The following CTNND2 variants were observed in gnomAD, a reference collection of about 807,000 sequenced individuals.
CTNND2 encodes the protein catenin delta 2.
CTNND2 carries 22 observed loss-of-function variants against 144.4 expected under a neutral mutation model. That is an observed-to-expected ratio of 0.15 (90% CI 0.11 to 0.22). The LOEUF (loss-of-function observed/expected upper bound fraction) is 0.22, where lower values mean the gene tolerates loss of function less well. Ranked by LOEUF, CTNND2 falls within the 10% of genes least tolerant of loss-of-function variation. The probability of loss-of-function intolerance (pLI) is 1.00; values close to 1 mark genes in which losing one functional copy is unlikely to be tolerated. For missense variants in CTNND2, 1,353 were observed against 1,618.8 expected (o/e 0.84, Z 2.82); for synonymous variants, 751 against 695.6 (o/e 1.08, Z -1.25).
At chr5:11,241,221 C>G (rs4701911) in intron 9 of CTNND2, among the ~76,000 whole-genome samples, 1 of 152,200 alleles carries the variant, frequency 6.6e-6, no homozygotes, top group Non-Finnish European at 1.5e-5. Flanking sequence ...GCAGCCTTCT[C>G]TATGCCTCCA....
At chr5:11,308,613 A>G (rs1750495070) in intron 9 of CTNND2, among the ~76,000 whole-genome samples, 2 of 152,250 alleles carry the variant, frequency 1.3e-5, no homozygotes, top group South Asian at 4.1e-4. Flanking sequence ...CTTGAAGTCT[A>G]TTAATTGTTT....
Position 11,602,748 on chromosome 5 carries a change from ATAATAGATATATTAT to A in CTNND2, c.175-37707_175-37693del, listed in dbSNP as rs1455290059. Among the ~76,000 whole-genome samples, 383 of 146,124 alleles carry A rather than the reference ATAATAGATATATTAT, an allele frequency of 2.6e-3. 2 individuals carry two copies. Among genetic ancestry groups the A allele is most frequent in the Middle Eastern group, 0.011 (3 of 276 alleles). ...TTTATATGTAATATAAATATTATAT[ATAATAGATATATTAT>A]TAATAGATATAAATTAATAGATATA... On this transcript the variant is annotated intron_variant, in intron 2 of 21. Transcript: ENST00000304623.
chr5:11,007,439 C>A (rs961769050), intron 18 of CTNND2, among the ~76,000 whole-genome samples: 7 of 152,226 alleles, frequency 4.6e-5, no homozygotes, highest in African/African-American at 1.7e-4. Context: ...TCAGCTTTAA[C>A]CTCGGGAACT....
intron 16 of CTNND2, among the ~76,000 whole-genome samples, chr5:11,048,215 C>T (rs1745481135): frequency 6.6e-6 from 1 of 152,132 alleles, no homozygotes; most frequent in South Asian, 2.1e-4. Flanking sequence ...CATCCAATCT[C>T]TGCATCTACT....
chr5:11,485,296 C>T (rs1487206131), intron 3 of CTNND2, among the ~76,000 whole-genome samples: 2 of 152,022 alleles, frequency 1.3e-5, no homozygotes, highest in South Asian at 2.1e-4. Context: ...GATGGGAGGA[C>T]ACAGTATTTT....
At chr5:11,721,271 C>T (rs973411633) in intron 2 of CTNND2, among the ~76,000 whole-genome samples, 7 of 152,198 alleles carry the variant, frequency 4.6e-5, no homozygotes, top group Admixed American at 1.3e-4. Flanking sequence ...AGAAAATCTG[C>T]AGAAGCAGAA....
chr5:11,723,143 A>G (rs1180877026), intron 2 of CTNND2, among the ~76,000 whole-genome samples: 2 of 152,190 alleles, frequency 1.3e-5, no homozygotes, highest in Non-Finnish European at 2.9e-5. Context: ...TATACAAACA[A>G]AAATAATTAA....
chr5:11,534,058 T>A (rs1007137594), intron 3 of CTNND2, among the ~76,000 whole-genome samples: 2 of 152,168 alleles, frequency 1.3e-5, no homozygotes, highest in Admixed American at 6.5e-5. Context: ...AATAAAAAAA[T>A]TAACATCCAT....
chr5:11,085,904 C>T (rs1042410207), intron 15 of CTNND2, among the ~76,000 whole-genome samples: 1 of 152,112 alleles, frequency 6.6e-6, no homozygotes. Flanking sequence ...TCTAGGATGA[C>T]TGCAGTGGCT....
intron 3 of CTNND2, among the ~76,000 whole-genome samples, chr5:11,473,468 G>A (rs1181511555): frequency 6.6e-6 from 1 of 152,162 alleles, no homozygotes; most frequent in African/African-American, 2.4e-5. Flanking sequence ...AGTGAGAAGA[G>A]AATATTTAAA....
chr5:11,748,414 T>C (rs1483485137), intron 1 of CTNND2, among the ~76,000 whole-genome samples: 1 of 152,140 alleles, frequency 6.6e-6, no homozygotes, highest in Non-Finnish European at 1.5e-5. Flanking sequence ...ATTTTTTGTA[T>C]ATAATCATTC....
intron 1 of CTNND2, among the ~76,000 whole-genome samples, chr5:11,754,626 A>C (rs1203324704): frequency 6.6e-6 from 1 of 151,758 alleles, no homozygotes; most frequent in Non-Finnish European, 1.5e-5. Context: ...TGTTTTATGA[A>C]TCTGGGTGCT....
At chr5:11,819,843 C>A (rs963741658) in intron 1 of CTNND2, among the ~76,000 whole-genome samples, 15 of 152,190 alleles carry the variant, frequency 9.9e-5, no homozygotes, top group Non-Finnish European at 2.1e-4. Flanking sequence ...GCTCTAAACA[C>A]AGGCCTCCAC....
At chr5:11,420,390 T>C (rs777329976) in intron 3 of CTNND2, among the ~76,000 whole-genome samples, 3 of 152,208 alleles carry the variant, frequency 2.0e-5, no homozygotes, top group African/African-American at 7.2e-5. Context: ...GACCTTTATA[T>C]TGATGATGTC....
chr5:11,760,290 C>T (rs1346538905), intron 1 of CTNND2, among the ~76,000 whole-genome samples: 4 of 152,042 alleles, frequency 2.6e-5, no homozygotes, highest in Non-Finnish European at 4.4e-5. Flanking sequence ...TACCCAGCCC[C>T]TCATTGCACC....
chr5:11,681,372 A>G (rs1784415014), intron 2 of CTNND2, among the ~76,000 whole-genome samples: 1 of 152,216 alleles, frequency 6.6e-6, no homozygotes, highest in East Asian at 1.9e-4. Flanking sequence ...ACATAATAAA[A>G]GCATTCAAAA....
chr5:11,670,752 T>G (rs184274321), intron 2 of CTNND2, among the ~76,000 whole-genome samples: 1 of 152,216 alleles, frequency 6.6e-6, no homozygotes, highest in Non-Finnish European at 1.5e-5. Context: ...TGTCTTTAAA[T>G]TGGGGGCATT....
At chr5:11,270,850 A>G (rs1048942747) in intron 9 of CTNND2, among the ~76,000 whole-genome samples, 1 of 152,214 alleles carries the variant, frequency 6.6e-6, no homozygotes, top group African/African-American at 2.4e-5. Context: ...AATAATAGTT[A>G]GTTCATGTGA....
chr5:11,472,732 A>AT (rs1767346566), intron 3 of CTNND2, among the ~76,000 whole-genome samples: 1 of 152,208 alleles, frequency 6.6e-6, no homozygotes, highest in Non-Finnish European at 1.5e-5. Context: ...ACTGATATTG[A>AT]TTTTTATATT....
Sources: allele counts gnomAD v4.1 joint callset (sites outside exome capture counted in the v4.1 genomes callset), GRCh38; gene constraint gnomAD v4.1.1; transcripts MANE v1.5; gene names NCBI Gene and HGNC (gene_info 2026-07-23, HGNC 2026-07-21).